HOXC11: variants seen among roughly 807,000 people sequenced by gnomAD.
HOXC11 encodes homeobox C11.
Under a neutral mutation model 23.6 loss-of-function variants are expected in HOXC11, and 17 were observed. That is an observed-to-expected ratio of 0.72 (90% CI 0.49 to 1.08). The LOEUF is 1.08. HOXC11 is among the 50% of genes least tolerant of loss of function. The pLI is 0.00. For synonymous variants in HOXC11, 196 were observed against 183.8 expected, an observed-to-expected ratio of 1.07 and a Z score of -0.54; for missense variants, 413 against 412.1, an observed-to-expected ratio of 1.00 and a Z score of -0.02.
chr12:53,973,430 C>T lies in HOXC11; in HGVS notation c.189C>T (p.Tyr63=). The T allele has an allele frequency of 6.2e-7, 1 of 1,614,218 alleles. No homozygotes were observed. Among genetic ancestry groups the T allele is most frequent in the Non-Finnish European group, 8.5e-7 (1 of 1,180,048 alleles). The change falls in exon 1 of 2, where the codon TAC becomes TAT. Residue 63 remains tyrosine, a synonymous_variant. Coordinates refer to ENST00000546378, the MANE Select transcript of HOXC11 (RefSeq NM_014212.4). This position sits in a 1 kb window ranked among gnomAD's most constrained non-coding sequence, Gnocchi z 4.3. ...CCTCTCGTCAGATCTCCTATCCCTA[C>T]TCGGCCCAAGTGCCCCCGGTCCGGG... ...QAPSRQISYP[Y]SAQVPPVREV...
Position 53,975,167 on chromosome 12 carries a change from T to G in HOXC11, c.683-14T>G. Reference sequence around the variant, plus strand: ...CCCCCCTCTCCTCGCACTTGCCCCCTCCCCTCCCTCCAGACGCCCCCCGCA... The same window carrying G: ...CCCCCCTCTCCTCGCACTTGCCCCCGCCCCTCCCTCCAGACGCCCCCCGCA... On this transcript the variant is annotated splice_polypyrimidine_tract_variant and intron_variant, in intron 1 of 1. Coordinates refer to ENST00000546378, the MANE Select transcript of HOXC11 (RefSeq NM_014212.4). The G allele has an allele frequency of 6.3e-6, 5 of 789,678 alleles. No homozygotes were observed. The highest frequency in any genetic ancestry group is 1.9e-5 in the South Asian group (1 of 53,892). 48.9% of individuals were successfully genotyped at this position (789,678 alleles called of 1,614,324 possible). A position where few individuals can be genotyped will look rare whatever the true frequency, so the allele number is the denominator to read the frequency against.
chr12:53,975,243 C>G lies in HOXC11; in HGVS notation c.745C>G (p.Arg249Gly). 6.2e-7 allele frequency: 1 copy of G among 1,612,840 alleles called. No individual in the cohort carries two copies. The change falls in exon 2 of 2, where the codon CGA (arginine) becomes GGA (glycine). Residue 249 changes from arginine to glycine, a missense_variant. Physicochemically the swap from Arg to Gly is moderately radical, Grantham distance 125 (BLOSUM62 -2). Transcript: ENST00000546378. ...YSKFQIRELE[R>G]EFFFNVYINK... ...GAAATTCCAGATCCGGGAACTGGAG[C>G]GAGAGTTTTTCTTCAACGTGTATAT...
rs1939272362 is a variant in HOXC11 at position 53,976,939 on chromosome 12, G to GC, written c.*1531dup. ...AAGGAGGGGACAGAAGGAGAAACCA[G>GC]CCCCCTCCCTCTCCTCTCCACAGCT... On this transcript the variant is annotated 3_prime_UTR_variant, in exon 2 of 2. Transcript: ENST00000546378. 2 of 151,370 alleles carry GC rather than the reference G, an allele frequency of 1.3e-5. No individual in the cohort carries two copies. The highest frequency in any genetic ancestry group is 3.9e-4 in the East Asian group (2 of 5,134). The allele number at this position is 151,370 out of a possible 1,614,324, so 9.4% of individuals were successfully genotyped here. A position where few individuals can be genotyped will look rare whatever the true frequency, so the allele number is the denominator to read the frequency against.
chr12:53,974,312 G>A (rs1349697994), intron 1 of HOXC11, among the ~76,000 whole-genome samples: 1 of 151,764 alleles, frequency 6.6e-6, no homozygotes, highest in Non-Finnish European at 1.5e-5. Context: ...GGAGTGGGGA[G>A]GAGGGGAGGG....
In HOXC11 at chr12:53,975,276, G is replaced by A; in HGVS notation, c.778G>A (p.Glu260Lys). The A allele has an allele frequency of 1.9e-6, 3 of 1,613,594 alleles. No individual in the cohort carries two copies. The highest frequency in any genetic ancestry group is 2.5e-6 in the Non-Finnish European group (3 of 1,179,886). ...TTTCTTCAACGTGTATATCAACAAAGAGAAGCGGCTGCAGCTGTCCCGGAT... is the reference window on the plus strand; with the variant it reads ...TTTCTTCAACGTGTATATCAACAAAAAGAAGCGGCTGCAGCTGTCCCGGAT... ...EFFFNVYINK[E>K]KRLQLSRMLN... The change falls in exon 2 of 2, where the codon GAG becomes AAG. Residue 260 changes from glutamate (E) to lysine (K), a missense_variant. Physicochemically the swap from Glu to Lys is moderately conservative, Grantham distance 56. Transcript: ENST00000546378.
In HOXC11 at chr12:53,975,535, G is replaced by T. The variant is rs1939240998; in HGVS notation, c.*122G>T. ...GAAAACTGGACTGTGGCCAGGGCTG[G>T]CCCCCACCGCTGTGGCCGGCACTCC... On this transcript the variant is annotated 3_prime_UTR_variant, in exon 2 of 2. Coordinates refer to ENST00000546378, the MANE Select transcript of HOXC11 (RefSeq NM_014212.4). 1 of 771,782 alleles carries T rather than the reference G, an allele frequency of 1.3e-6. No individual in the cohort carries two copies. Among genetic ancestry groups the T allele is most frequent in the South Asian group, 1.5e-5 (1 of 67,496 alleles). 47.8% of individuals were successfully genotyped at this position (771,782 alleles called of 1,614,324 possible).
rs1243251774 is a variant in HOXC11, at chr12:53,977,291, A to G, written c.*1878A>G. On this transcript the variant is annotated 3_prime_UTR_variant, in exon 2 of 2. Coordinates refer to ENST00000546378, the MANE Select transcript of HOXC11 (RefSeq NM_014212.4). ...TGGGGGCAGAGGTTCAGGACAACTC[A>G]TCTCATCTTTCCCTCCTCTTTCTGT... 6.6e-6 allele frequency: 1 copy of G among 152,224 alleles called. No individual in the cohort carries two copies. The highest frequency in any genetic ancestry group is 6.5e-5 in the Admixed American group (1 of 15,282). 9.4% of individuals were successfully genotyped at this position (152,224 alleles called of 1,614,324 possible). A position where few individuals can be genotyped will look rare whatever the true frequency, so the allele number is the denominator to read the frequency against.
At position 53,973,202 on chromosome 12, in the gene HOXC11, G is replaced by A. The variant is rs372792014; in HGVS notation, c.-40G>A. On this transcript the variant is annotated 5_prime_UTR_variant, in exon 1 of 2. Coordinates refer to ENST00000546378, the MANE Select transcript of HOXC11 (RefSeq NM_014212.4). The surrounding 1 kb of genome is among the most constrained non-coding windows in gnomAD (Gnocchi z 4.3). ...AAATTTTCCCCCCTCGCTAGACCGG[G>A]TCCAAAACCTCCATCCGGAGCCGGC... The A allele has an allele frequency of 5.3e-6, 8 of 1,507,044 alleles. No individual in the cohort carries two copies. In the African/African-American group the frequency reaches 9.7e-5, roughly 18 times the overall value. The allele number at this position is 1,507,044 out of a possible 1,614,324, so 93.4% of individuals were successfully genotyped here.
rs527393771 is a variant in HOXC11 at position 53,977,404 on chromosome 12, G to A, written c.*1991G>A. ...ATCATGACTATCAAATCTAGGTTCTGTCATTTTTGATGGTAGGAATCCCTG... is the reference window on the plus strand; with the variant it reads ...ATCATGACTATCAAATCTAGGTTCTATCATTTTTGATGGTAGGAATCCCTG... On this transcript the variant is annotated 3_prime_UTR_variant, in exon 2 of 2. Transcript: ENST00000546378. 1.4e-3 allele frequency: 220 copies of A among 152,290 alleles called. No individual in the cohort carries two copies. The highest frequency in any genetic ancestry group is 5.0e-3 in the African/African-American group (209 of 41,550). The allele number at this position is 152,290 out of a possible 1,614,324, so 9.4% of individuals were successfully genotyped here.
rs1271584837 is a variant in HOXC11 at position 53,973,397 on chromosome 12, C to G, written c.156C>G (p.Pro52=). ...PEFSTVSSFL[P]QAPSRQISYP... ...TCTCCACGGTCTCCTCCTTCCTGCC[C>G]CAGGCCCCCTCTCGTCAGATCTCCT... Residue 52 remains proline, a synonymous_variant, in exon 1 of 2, where the codon CCC becomes CCG. Transcript: ENST00000546378. This position sits in a 1 kb window ranked among gnomAD's most constrained non-coding sequence, Gnocchi z 4.3. 3.1e-6 allele frequency: 5 copies of G among 1,614,098 alleles called. No homozygotes were observed. In the African/African-American group the frequency reaches 5.3e-5, roughly 17 times the overall value.
chr12:53,975,093 C>G (rs1465125278), intron 1 of HOXC11, 88 bp from the exon 2 acceptor site: 1 of 647,674 alleles, frequency 1.5e-6, no homozygotes, highest in Non-Finnish European at 2.7e-6. Context: ...GGAGAAGGGC[C>G]GCTGAGCGCT....
Position 53,975,616 on chromosome 12 carries a change from C to G in HOXC11, c.*203C>G. ...CTCTCGCTGTGGGACAGGGACCGGG[C>G]CTGGAAAGGGGGTGAAGGGAAGTGT... On this transcript the variant is annotated 3_prime_UTR_variant, in exon 2 of 2. Coordinates refer to ENST00000546378, the MANE Select transcript of HOXC11 (RefSeq NM_014212.4). 3 of 641,042 alleles carry G rather than the reference C, an allele frequency of 4.7e-6. No individual in the cohort carries two copies. Among genetic ancestry groups the G allele is most frequent in the Non-Finnish European group, 8.3e-6 (3 of 360,374 alleles). The allele number at this position is 641,042 out of a possible 1,614,324, so 39.7% of individuals were successfully genotyped here. A position where few individuals can be genotyped will look rare whatever the true frequency, so the allele number is the denominator to read the frequency against.
Position 53,975,302 on chromosome 12 carries a change from G to A in HOXC11, c.804G>A (p.Met268Ile), listed in dbSNP as rs1939236306. ...AGAAGCGGCTGCAGCTGTCCCGGAT[G>A]CTGAACCTGACGGACCGACAAGTGA... is the stretch of plus-strand genomic sequence containing the variant. ...NKEKRLQLSR[M>I]LNLTDRQVKI... The change falls in exon 2 of 2, where the codon ATG (methionine) becomes ATA (isoleucine). Residue 268 changes from methionine (M) to isoleucine (I), a missense_variant. Coordinates refer to ENST00000546378, the MANE Select transcript of HOXC11 (RefSeq NM_014212.4). 6.2e-7 allele frequency: 1 copy of A among 1,613,876 alleles called. No individual in the cohort carries two copies. Among genetic ancestry groups the A allele is most frequent in the Middle Eastern group, 1.7e-4 (1 of 5,986 alleles).
rs1341951267 is a variant in HOXC11 at position 53,973,362 on chromosome 12, A to G, written c.121A>G (p.Met41Val). 1.2e-6 allele frequency: 2 copies of G among 1,613,756 alleles called. No homozygotes were observed. Among genetic ancestry groups the G allele is most frequent in the Admixed American group, 1.7e-5 (1 of 59,998 alleles). Residue 41 changes from methionine to valine, a missense_variant, in exon 1 of 2, where the codon ATG becomes GTG. Met to Val is a conservative substitution (Grantham distance 21). Transcript: ENST00000546378. The surrounding 1 kb of genome is among the most constrained non-coding windows in gnomAD (Gnocchi z 4.3). ...NLYLPSCTYY[M>V]PEFSTVSSFL... ...CTATCTGCCCAGTTGCACTTACTACATGCCCGAGTTCTCCACGGTCTCCTC... is the reference window on the plus strand; with the variant it reads ...CTATCTGCCCAGTTGCACTTACTACGTGCCCGAGTTCTCCACGGTCTCCTC...
chr12:53,973,916 C>G lies in HOXC11; in HGVS notation c.675C>G (p.Ala225=), dbSNP rs1357694910. Residue 225 remains alanine (A), a synonymous_variant, in exon 1 of 2, where the codon GCC becomes GCG. Transcript: ENST00000546378. This position sits in a 1 kb window ranked among gnomAD's most constrained non-coding sequence, Gnocchi z 4.3. ...TGGCCAAGGAGCCGGCCAAAGGAGC[C>G]GCCCCCAGTAGGTAGCAGCGGCCGG... ...HSVAKEPAKG[A]APNAPRTRKK... 6.9e-7 allele frequency: 1 copy of G among 1,441,352 alleles called. No individual in the cohort carries two copies. Among genetic ancestry groups the G allele is most frequent in the Admixed American group, 2.9e-5 (1 of 34,102 alleles). The allele number at this position is 1,441,352 out of a possible 1,614,324, so 89.3% of individuals were successfully genotyped here. A position where few individuals can be genotyped will look rare whatever the true frequency, so the allele number is the denominator to read the frequency against.
At chr12:53,974,386 G>C (rs1354737747) in intron 1 of HOXC11, among the ~76,000 whole-genome samples, 55 of 151,922 alleles carry the variant, frequency 3.6e-4, no homozygotes, top group Non-Finnish European at 1.0e-4. Context: ...GGGGAGAGGT[G>C]GGGGAGAGGA....
In HOXC11 at chr12:53,976,708, C is replaced by A. The variant is rs1424779326; in HGVS notation, c.*1295C>A. 6.5e-6 allele frequency: 1 copy of A among 152,962 alleles called. No individual in the cohort carries two copies. Among genetic ancestry groups the A allele is most frequent in the East Asian group, 1.9e-4 (1 of 5,332 alleles). The allele number at this position is 152,962 out of a possible 1,614,324, so 9.5% of individuals were successfully genotyped here. On this transcript the variant is annotated 3_prime_UTR_variant, in exon 2 of 2. Coordinates refer to ENST00000546378, the MANE Select transcript of HOXC11 (RefSeq NM_014212.4). ...CGAGCTGTGTCCAAACGCCCAGCAA[C>A]GGCTTTCTGTTTAAGTACACGTTTG...
At position 53,973,740 on chromosome 12, in the gene HOXC11, G is replaced by A. The variant is rs1394759722; in HGVS notation, c.499G>A (p.Ala167Thr). 8 of 1,612,854 alleles carry A rather than the reference G, an allele frequency of 5.0e-6. No individual in the cohort carries two copies. Among genetic ancestry groups the A allele is most frequent in the Non-Finnish European group, 6.8e-6 (8 of 1,179,794 alleles). ...NAYCGGGDPP[A>T]EPPCSGKGEA... Reference sequence around the variant, plus strand: ...CTACTGCGGTGGCGGCGACCCGCCCGCCGAGCCCCCCTGCTCCGGCAAGGG... The same window carrying A: ...CTACTGCGGTGGCGGCGACCCGCCCACCGAGCCCCCCTGCTCCGGCAAGGG... Residue 167 changes from alanine to threonine, a missense_variant, in exon 1 of 2, where the codon GCC becomes ACC. Transcript: ENST00000546378. This position sits in a 1 kb window ranked among gnomAD's most constrained non-coding sequence, Gnocchi z 4.3.
In HOXC11 at chr12:53,975,189, C is replaced by G. The variant is rs760132385; in HGVS notation, c.691C>G (p.Arg231Gly). 6.2e-7 allele frequency: 1 copy of G among 1,604,962 alleles called. No homozygotes were observed. Among genetic ancestry groups the G allele is most frequent in the Non-Finnish European group, 8.5e-7 (1 of 1,176,114 alleles). ...PAKGAAPNAP[R>G]TRKKRCPYSK... is the part of the protein sequence containing the mutation. Reference sequence around the variant, plus strand: ...CCCTCCCCTCCCTCCAGACGCCCCCCGCACCCGCAAGAAGCGCTGCCCTTA... The same window carrying G: ...CCCTCCCCTCCCTCCAGACGCCCCCGGCACCCGCAAGAAGCGCTGCCCTTA... Residue 231 changes from arginine to glycine, a missense_variant, in exon 2 of 2, where the codon CGC (arginine) becomes GGC (glycine). By Grantham distance (125) the Arg-to-Gly change is moderately radical. Coordinates refer to ENST00000546378, the MANE Select transcript of HOXC11 (RefSeq NM_014212.4).
Sources: gnomAD v4.1 joint callset for allele counts (sites outside exome capture counted in the v4.1 genomes callset) on GRCh38, gnomAD v4.1.1 for gene constraint, Gnocchi (gnomAD v3.1) non-coding constraint, MANE v1.5 for transcripts, NCBI Gene and HGNC (gene_info 2026-07-23, HGNC 2026-07-21) for gene names.